ZNF503: variants seen among roughly 807,000 people sequenced by gnomAD.
The protein encoded by ZNF503 is zinc finger protein 503, also known as NocA-like zinc finger 2.
ZNF503 carries 15 observed loss-of-function variants against 34.4 expected under a neutral mutation model. The ratio of observed to expected loss-of-function variants is 0.44; its 90% CI spans 0.29 to 0.67. ZNF503 has a LOEUF of 0.67. Ranked by LOEUF, ZNF503 falls within the 30% of genes least tolerant of loss-of-function variation. The probability of loss-of-function intolerance (pLI) is 0.13; values close to 1 mark genes in which losing one functional copy is unlikely to be tolerated. For synonymous variants in ZNF503, 580 were observed against 456.8 expected, an observed-to-expected ratio of 1.27 and a Z score of -3.44; for missense variants, 1,007 against 926.8, an observed-to-expected ratio of 1.09 and a Z score of -1.12.
chr10:75,286,929 T>C, the ZNF503 span, among the ~76,000 whole-genome samples: 1 of 152,198 alleles, frequency 6.6e-6, no homozygotes, highest in Non-Finnish European at 1.5e-5. Flanking sequence ...ATTGCAAATC[T>C]TTTTGTGTTC....
chr10:75,396,075 C>A (rs1306690882), downstream of ZNF503, among the ~76,000 whole-genome samples: 1 of 152,134 alleles, frequency 6.6e-6, no homozygotes, highest in African/African-American at 2.4e-5. The surrounding 1 kb of genome is among the most constrained non-coding windows in gnomAD (Gnocchi z 4.4). Flanking sequence ...GCTTTCAGGT[C>A]CTGAGCTGCG....
the ZNF503 span, among the ~76,000 whole-genome samples, chr10:75,354,537 A>G: frequency 1.3e-5 from 2 of 151,396 alleles, no homozygotes; most frequent in East Asian, 3.9e-4. Context: ...GTATAGTAGG[A>G]TCCTATCTCT....
the ZNF503 span, among the ~76,000 whole-genome samples, chr10:75,281,269 AACCTCCT>A: frequency 6.6e-6 from 1 of 152,114 alleles, no homozygotes; most frequent in Non-Finnish European, 1.5e-5. Context: ...AGGACTCAGA[AACCTCCT>A]ACCAGCCTTC....
rs1211806478 is a variant in ZNF503, at chr10:75,399,191, A to T, written c.1499T>A (p.Leu500His). ...ATPPSLAGHP[L>H]YPYGFMLPND... The stretch of plus-strand genomic sequence containing the variant: ...AGGGAGCATAAAGCCGTAGGGGTAG[A>T]GGGGGTGGCCGGCCAGGGAGGGCGG... Residue 500 changes from leucine (L) to histidine (H), a missense_variant, in exon 2 of 2, where the codon CTC (leucine) becomes CAC (histidine). By Grantham distance (99) the Leu-to-His change is moderately conservative (BLOSUM62 -3). Transcript: ENST00000372524. 1 of 1,603,864 alleles carries T rather than the reference A, an allele frequency of 6.2e-7. No individual in the cohort carries two copies. The highest frequency in any genetic ancestry group is 1.3e-5 in the African/African-American group (1 of 74,774).
At chr10:75,300,741 T>C in the ZNF503 span, among the ~76,000 whole-genome samples, 2 of 130,868 alleles carry the variant, frequency 1.5e-5, no homozygotes. Flanking sequence ...AGTCTCACTC[T>C]GTCACCCAGG....
chr10:75,400,105 A>ACCGCCT lies in ZNF503; in HGVS notation c.579_584dup (p.Gly203_Gly204dup), dbSNP rs769751212. On this transcript the variant is annotated inframe_insertion, in exon 2 of 2. Transcript: ENST00000372524. The stretch of plus-strand genomic sequence containing the variant: ...CCCCGCCGCCGCCCCCGCCACCGCC[A>ACCGCCT]CCGCCTCCACCGCCGCCTCCCGGCT... The ACCGCCT allele has an allele frequency of 1.0e-4, 96 of 926,168 alleles. No homozygotes were observed. The African/African-American group carries it at 1.7e-3, about 16-fold the overall frequency. The allele number at this position is 926,168 out of a possible 1,614,324, so 57.4% of individuals were successfully genotyped here.
chr10:75,372,857 C>T, the ZNF503 span, among the ~76,000 whole-genome samples: 13 of 152,188 alleles, frequency 8.5e-5, no homozygotes, highest in South Asian at 1.4e-3. Flanking sequence ...CCCCCTTAGA[C>T]TCTTGGGGCA....
the ZNF503 span, among the ~76,000 whole-genome samples, chr10:75,329,453 TTCTTTCTC>T: frequency 0.025 from 3,456 of 140,606 alleles, 61 homozygotes; most frequent in South Asian, 0.037. Context: ...CTTTCTTTCT[TTCTTTCTC>T]TTTCTTTCTT....
the ZNF503 span, among the ~76,000 whole-genome samples, chr10:75,387,692 G>A: frequency 6.6e-6 from 1 of 152,194 alleles, no homozygotes; most frequent in Non-Finnish European, 1.5e-5. Flanking sequence ...AGTTGAGTTA[G>A]GGCTGGGTTT....
At chr10:75,329,415 T>TTTCC in the ZNF503 span, among the ~76,000 whole-genome samples, 280 of 90,414 alleles carry the variant, frequency 3.1e-3, 2 homozygotes, top group East Asian at 0.027. Context: ...CCTTCCTTCC[T>TTTCC]TTCCTTCCTT....
the ZNF503 span, chr10:75,382,688 G>T: frequency 8.8e-6 from 3 of 342,774 alleles, no homozygotes; most frequent in South Asian, 2.8e-5. Context: ...ATCAAAAGTG[G>T]TTTTCTCTCT....
the ZNF503 span, among the ~76,000 whole-genome samples, chr10:75,345,471 C>T: frequency 6.6e-6 from 1 of 151,634 alleles, no homozygotes; most frequent in Non-Finnish European, 1.5e-5. Flanking sequence ...CCTGTCTCTA[C>T]TAAAAATACA....
chr10:75,297,526 C>T, the ZNF503 span, among the ~76,000 whole-genome samples: 4 of 152,242 alleles, frequency 2.6e-5, no homozygotes, highest in East Asian at 3.9e-4. Flanking sequence ...TAATGAGGCT[C>T]TTTTATAGTA....
the ZNF503 span, among the ~76,000 whole-genome samples, chr10:75,388,164 C>T: frequency 6.6e-6 from 1 of 152,238 alleles, no homozygotes; most frequent in Admixed American, 6.5e-5. Flanking sequence ...GGGGCGGCCA[C>T]TGATTCGGGG....
the ZNF503 span, among the ~76,000 whole-genome samples, chr10:75,389,500 T>G: frequency 6.6e-6 from 1 of 152,068 alleles, no homozygotes. Context: ...GAGGCTGAGG[T>G]AGGCAGATGA....
chr10:75,386,430 T>G, the ZNF503 span, among the ~76,000 whole-genome samples: 2 of 152,230 alleles, frequency 1.3e-5, no homozygotes, highest in Non-Finnish European at 2.9e-5. Flanking sequence ...CATAGCCCAA[T>G]ACCTGAGTCT....
At chr10:75,290,568 G>C in the ZNF503 span, among the ~76,000 whole-genome samples, 2 of 152,202 alleles carry the variant, frequency 1.3e-5, no homozygotes, top group Non-Finnish European at 2.9e-5. Context: ...AGATGGAACA[G>C]GATGGGAATT....
At chr10:75,291,818 T>C in the ZNF503 span, among the ~76,000 whole-genome samples, 15 of 152,188 alleles carry the variant, frequency 9.9e-5, no homozygotes, top group Non-Finnish European at 1.6e-4. Context: ...GAGATTAAAA[T>C]GTGTCTGAAG....
At chr10:75,357,743 C>T in the ZNF503 span, among the ~76,000 whole-genome samples, 20 of 152,136 alleles carry the variant, frequency 1.3e-4, no homozygotes, top group Non-Finnish European at 5.9e-5. Context: ...GATTTGAATC[C>T]AGGCCCATGG....
Sources: allele counts gnomAD v4.1 joint callset (sites outside exome capture counted in the v4.1 genomes callset), GRCh38; gene constraint gnomAD v4.1.1; non-coding constraint Gnocchi (gnomAD v3.1); transcripts MANE v1.5; gene names NCBI Gene and HGNC (gene_info 2026-07-23, HGNC 2026-07-21).